HDAC2: variants seen among roughly 807,000 people sequenced by gnomAD.
HDAC2 encodes the protein histone deacetylase 2, also known as YY1-associated factor 1.
A neutral mutation model predicts 68.5 loss-of-function variants in HDAC2; 5 were observed. That is an observed-to-expected ratio of 0.07 (90% confidence interval 0.04 to 0.15). The LOEUF is 0.15. Ranked by LOEUF, HDAC2 falls within the 10% of genes least tolerant of loss-of-function variation. The probability of loss-of-function intolerance (pLI) is 1.00; values close to 1 mark genes in which losing one functional copy is unlikely to be tolerated. For synonymous variants in HDAC2, 182 were observed against 191.3 expected, an observed-to-expected ratio of 0.95 and a Z score of 0.40; for missense variants, 291 against 600.8, an observed-to-expected ratio of 0.48 and a Z score of 5.39.
At chr6:113,969,402 C>T (rs776511422) in intron 1 of HDAC2, among the ~76,000 whole-genome samples, 3 of 152,178 alleles carry the variant, frequency 2.0e-5, no homozygotes, top group Non-Finnish European at 4.4e-5. Flanking sequence ...AGAGACAGTA[C>T]GGTCATTTAC....
At chr6:113,952,378 T>A (rs1306532272) in intron 6 of HDAC2, among the ~76,000 whole-genome samples, 1 of 152,244 alleles carries the variant, frequency 6.6e-6, no homozygotes, top group African/African-American at 2.4e-5. Flanking sequence ...GTAACTCTTT[T>A]ACTCAAAGAG....
Position 113,939,647 on chromosome 6 carries a change from G to C in HDAC2, c.*1411C>G, listed in dbSNP as rs1220380477. 1 of 152,004 alleles carries C rather than the reference G, an allele frequency of 6.6e-6. No individual in the cohort carries two copies. Among genetic ancestry groups the C allele is most frequent in the African/African-American group, 2.4e-5 (1 of 41,370 alleles). 9.4% of individuals were successfully genotyped at this position (152,004 alleles called of 1,614,324 possible). A position where few individuals can be genotyped will look rare whatever the true frequency, so the allele number is the denominator to read the frequency against. The stretch of plus-strand genomic sequence containing the variant: ...TGGGTAAAATATTCACAAAAACATG[G>C]ATAAAATAATCACAATGGTGATTAC... On this transcript the variant is annotated 3_prime_UTR_variant, in exon 14 of 14. Transcript: ENST00000519065.
intron 6 of HDAC2, among the ~76,000 whole-genome samples, chr6:113,950,527 G>T (rs529450404): frequency 6.6e-6 from 1 of 151,772 alleles, no homozygotes; most frequent in South Asian, 2.1e-4. Context: ...TGAGTTGCTG[G>T]GACTACAGGT....
intron 6 of HDAC2, 139 bp from the exon 7 acceptor site, chr6:113,949,399 ACAAT>A (rs1776347101): frequency 4.8e-6 from 3 of 627,572 alleles, no homozygotes; most frequent in Admixed American, 5.8e-5. Flanking sequence ...TGAGACCGGA[ACAAT>A]CAAACTGAGA....
intron 4 of HDAC2, 165 bp downstream of exon 4, chr6:113,956,454 T>C (rs1776556120): frequency 3.3e-6 from 2 of 606,406 alleles, no homozygotes; most frequent in South Asian, 2.3e-5. Flanking sequence ...GTCATAATCA[T>C]AAAACATAGA....
In HDAC2 at chr6:113,935,182, C is replaced by A. The variant is rs1348292461; in HGVS notation, c.*5876G>T. ...CAAAGGCAACACAAGTTCAAACTTTCCGGCTAGACTTCAGAATAAGAAAAT... is the reference window on the plus strand; with the variant it reads ...CAAAGGCAACACAAGTTCAAACTTTACGGCTAGACTTCAGAATAAGAAAAT... On this transcript the variant is annotated 3_prime_UTR_variant, in exon 14 of 14. Coordinates refer to ENST00000519065, the MANE Select transcript of HDAC2 (RefSeq NM_001527.4). The A allele has an allele frequency of 6.6e-6, 1 of 152,180 alleles. No homozygotes were observed. Among genetic ancestry groups the A allele is most frequent in the East Asian group, 1.9e-4 (1 of 5,190 alleles). The allele number at this position is 152,180 out of a possible 1,614,324, so 9.4% of individuals were successfully genotyped here. A position where few individuals can be genotyped will look rare whatever the true frequency, so the allele number is the denominator to read the frequency against.
chr6:113,949,892 C>T lies in HDAC2; in HGVS notation c.640-632G>A, dbSNP rs1243015173. 3.3e-5 allele frequency among the ~76,000 whole-genome samples: 5 copies of T among 152,156 alleles called. No individual in the cohort carries two copies. The East Asian group carries it at 7.7e-4, about 23-fold the overall frequency. On this transcript the variant is annotated intron_variant, in intron 6 of 13. Transcript: ENST00000519065. ...CGCCTCCCAGGTTCAAGCAATTCTC[C>T]TGCCTCAGCCTACCGAGTGGCTGGG...
chr6:113,945,622 C>T, intron 9 of HDAC2, 152 bp from the exon 10 acceptor site: 1 of 642,482 alleles, frequency 1.6e-6, no homozygotes. Context: ...TAAAGAATGG[C>T]ACTTACTCTA....
chr6:113,951,559 C>G (rs1776417622), intron 6 of HDAC2, among the ~76,000 whole-genome samples: 1 of 151,674 alleles, frequency 6.6e-6, no homozygotes, highest in African/African-American at 2.4e-5. Context: ...GCTCCGCCTC[C>G]CGGGTTCACG....
chr6:113,955,827 A>G, intron 5 of HDAC2, 186 bp downstream of exon 5: 1 of 529,476 alleles, frequency 1.9e-6, no homozygotes, highest in Non-Finnish European at 3.2e-6. Flanking sequence ...CTAAGTCTTA[A>G]TAATTGAAGA....
In HDAC2 at chr6:113,940,098, G is replaced by A. The variant is rs1776096798; in HGVS notation, c.*960C>T. 1 of 152,144 alleles carries A rather than the reference G, an allele frequency of 6.6e-6. No individual in the cohort carries two copies. Among genetic ancestry groups the A allele is most frequent in the Non-Finnish European group, 1.5e-5 (1 of 68,024 alleles). The allele number at this position is 152,144 out of a possible 1,614,324, so 9.4% of individuals were successfully genotyped here. The stretch of plus-strand genomic sequence containing the variant: ...TCTGCTTCCTGCTACTAGAATGTAA[G>A]CTCTGAGTGTAAGCTCTGAGTGAAA... On this transcript the variant is annotated 3_prime_UTR_variant, in exon 14 of 14. Coordinates refer to ENST00000519065, the MANE Select transcript of HDAC2 (RefSeq NM_001527.4).
intron 6 of HDAC2, among the ~76,000 whole-genome samples, chr6:113,950,921 CA>C (rs1427246041): frequency 3.3e-5 from 5 of 152,272 alleles, no homozygotes; most frequent in Middle Eastern, 3.4e-3. Flanking sequence ...CCTCCTCTCC[CA>C]ATTTTTCTTG....
intron 13 of HDAC2, 69 bp downstream of exon 13, chr6:113,941,639 C>A: frequency 1.7e-6 from 1 of 597,052 alleles, no homozygotes; most frequent in Admixed American, 3.2e-5. Context: ...TGTACACAAA[C>A]ACACACCAAT....
intron 8 of HDAC2, chr6:113,948,381 G>A (rs933687774): frequency 3.3e-5 from 5 of 152,252 alleles, no homozygotes; most frequent in Non-Finnish European, 5.9e-5. Context: ...TGTTTTTCAA[G>A]AAGGTGAAAG....
rs1776117352 is a variant in HDAC2, at chr6:113,940,972, T to C, written c.*86A>G. 9.5e-7 allele frequency: 1 copy of C among 1,055,458 alleles called. No individual in the cohort carries two copies. Among genetic ancestry groups the C allele is most frequent in the Non-Finnish European group, 1.4e-6 (1 of 705,258 alleles). 65.4% of individuals were successfully genotyped at this position (1,055,458 alleles called of 1,614,324 possible). ...CAGTCCATGCCAAAGTAGTATAAAA[T>C]GAAGCCAGAAGTCTTCAAAAAGAAA... is the stretch of plus-strand genomic sequence containing the variant. On this transcript the variant is annotated 3_prime_UTR_variant, in exon 14 of 14. Transcript: ENST00000519065.
Position 113,960,036 on chromosome 6 carries a change from C to T in HDAC2, c.53-18G>A, listed in dbSNP as rs1776643731. ...AATATCACCTAAAATAGAAAAGACA[C>T]AAACTAAACAATACAGACAAGAGAC... On this transcript the variant is annotated intron_variant, in intron 1 of 13. Coordinates refer to ENST00000519065, the MANE Select transcript of HDAC2 (RefSeq NM_001527.4). The T allele has an allele frequency of 8.8e-7, 1 of 1,138,072 alleles. No individual in the cohort carries two copies. The highest frequency in any genetic ancestry group is 1.3e-6 in the Non-Finnish European group (1 of 746,424). The allele number at this position is 1,138,072 out of a possible 1,614,324, so 70.5% of individuals were successfully genotyped here.
intron 1 of HDAC2, chr6:113,970,540 GCCA>G: frequency 9.2e-7 from 1 of 1,087,796 alleles, no homozygotes; most frequent in South Asian, 3.6e-5. Context: ...CTTCGCCGCC[GCCA>G]CCACCAAGGC....
chr6:113,957,876 T>C (rs1173086563), intron 3 of HDAC2, among the ~76,000 whole-genome samples: 1 of 152,158 alleles, frequency 6.6e-6, no homozygotes, highest in Non-Finnish European at 1.5e-5. Flanking sequence ...CATGCCTCTT[T>C]TGCATCTAAG....
intron 2 of HDAC2, among the ~76,000 whole-genome samples, chr6:113,959,263 T>G (rs1017183296): frequency 1.7e-4 from 26 of 152,106 alleles, no homozygotes; most frequent in Non-Finnish European, 2.9e-4. Flanking sequence ...TTATTCTAAC[T>G]TCCCCTCTTC....
Sources: allele counts gnomAD v4.1 joint callset (sites outside exome capture counted in the v4.1 genomes callset), GRCh38; gene constraint gnomAD v4.1.1; transcripts MANE v1.5; gene names NCBI Gene and HGNC (gene_info 2026-07-23, HGNC 2026-07-21).